FAM20C: variants seen among roughly 807,000 people sequenced by gnomAD.
The protein encoded by FAM20C is extracellular serine/threonine protein kinase FAM20C.
FAM20C carries 40 observed loss-of-function variants against 51.5 expected under a neutral mutation model. That is an observed-to-expected ratio of 0.78 (90% CI 0.60 to 1.01). FAM20C has a LOEUF of 1.01. FAM20C is among the 50% of genes least tolerant of loss of function. FAM20C has a pLI of 0.00. For synonymous variants in FAM20C, 406 were observed against 380.6 expected (o/e 1.07, Z -0.78); for missense variants, 861 against 844.7 (o/e 1.02, Z -0.24).
rs903941844 is a variant in FAM20C, at chr7:192,740, C to G, written c.-460C>G. ...AGAGCCCGGCCCGGAGGAGCCGCCC[C>G]TTCCCCGCCCGCCCGCCCGGCGCCT... is the stretch of plus-strand genomic sequence containing the variant. On this transcript the variant is annotated 5_prime_UTR_variant, in exon 1 of 10. Coordinates refer to ENST00000313766, the MANE Select transcript of FAM20C (RefSeq NM_020223.4). Among the ~76,000 whole-genome samples the G allele has an allele frequency of 5.4e-5, 8 of 148,960 alleles. No individual in the cohort carries two copies. Among genetic ancestry groups the G allele is most frequent in the African/African-American group, 1.9e-4 (8 of 41,166 alleles).
chr7:251,151 G>A (rs1268550904), intron 5 of FAM20C, among the ~76,000 whole-genome samples: 1 of 150,570 alleles, frequency 6.6e-6, no homozygotes, highest in Non-Finnish European at 1.5e-5. Context: ...CTTACTGAGT[G>A]GCCGGGCACG....
At chr7:236,057 G>T (rs1171604834) in intron 3 of FAM20C, among the ~76,000 whole-genome samples, 1 of 152,180 alleles carries the variant, frequency 6.6e-6, no homozygotes, top group African/African-American at 2.4e-5. Context: ...GGGCGCCCAG[G>T]AAGAAGGAGA....
rs1428045179 is a variant in FAM20C at position 193,465 on chromosome 7, G to A, written c.266G>A (p.Arg89His). ...DAGWPNKHTLRILQDFSSDPS... is the reference protein window; with the variant it reads ...DAGWPNKHTLHILQDFSSDPS... Reference sequence around the variant, plus strand: ...GGCTGGCCCAACAAGCACACGCTCCGCATCCTGCAGGACTTCAGCTCCGAC... The same window carrying A: ...GGCTGGCCCAACAAGCACACGCTCCACATCCTGCAGGACTTCAGCTCCGAC... The change falls in exon 1 of 10, where the codon CGC (arginine) becomes CAC (histidine). Residue 89 changes from arginine (R) to histidine (H), a missense_variant. Physicochemically the swap from Arg to His is conservative, Grantham distance 29 (BLOSUM62 0). Around this residue, in one of 3 missense-constraint regions of FAM20C, gnomAD observed 561 missense variants for 499.8 expected, o/e 1.12. Transcript: ENST00000313766. The A allele has an allele frequency of 1.4e-6, 2 of 1,479,838 alleles. No homozygotes were observed. The highest frequency in any genetic ancestry group is 1.8e-6 in the Non-Finnish European group (2 of 1,109,858). 91.7% of individuals were successfully genotyped at this position (1,479,838 alleles called of 1,614,324 possible). A position where few individuals can be genotyped will look rare whatever the true frequency, so the allele number is the denominator to read the frequency against.
chr7:203,638 A>G (rs1285552703), intron 2 of FAM20C, among the ~76,000 whole-genome samples: 1 of 152,254 alleles, frequency 6.6e-6, no homozygotes, highest in Non-Finnish European at 1.5e-5. Flanking sequence ...CCCACGGTCC[A>G]CAGGAAGCCG....
At position 192,724 on chromosome 7, in the gene FAM20C, C is replaced by T. The variant is rs1785616033; in HGVS notation, c.-476C>T. 1.3e-5 allele frequency among the ~76,000 whole-genome samples: 2 copies of T among 148,708 alleles called. No individual in the cohort carries two copies. Among genetic ancestry groups the T allele is most frequent in the South Asian group, 2.1e-4 (1 of 4,804 alleles). Reference sequence around the variant, plus strand: ...GGCGCGGCGTGAGAGCAGAGCCCGGCCCGGAGGAGCCGCCCCTTCCCCGCC... The same window carrying T: ...GGCGCGGCGTGAGAGCAGAGCCCGGTCCGGAGGAGCCGCCCCTTCCCCGCC... On this transcript the variant is annotated 5_prime_UTR_variant, in exon 1 of 10. Coordinates refer to ENST00000313766, the MANE Select transcript of FAM20C (RefSeq NM_020223.4).
At chr7:209,054 T>A (rs1303773227) in intron 3 of FAM20C, 78 bp downstream of exon 3, 1 of 1,402,556 alleles carries the variant, frequency 7.1e-7, no homozygotes, top group Non-Finnish European at 9.8e-7. Flanking sequence ...CTGCTGGGGA[T>A]GGCCGTGTCT....
At position 234,516 on chromosome 7, in the gene FAM20C, G is replaced by T. The variant is rs931621215; in HGVS notation, c.864-11899G>T. Among the ~76,000 whole-genome samples the T allele has an allele frequency of 4.4e-4, 67 of 152,268 alleles. No individual in the cohort carries two copies. In the East Asian group the frequency reaches 0.01, roughly 23 times the overall value. On this transcript the variant is annotated intron_variant, in intron 3 of 9. Coordinates refer to ENST00000313766, the MANE Select transcript of FAM20C (RefSeq NM_020223.4). ...CTCCTCTGAGCCCTGGTCTTCTGGGGCCGCAGGCTGTGGGTGTCTCTCGTG... is the reference window on the plus strand; with the variant it reads ...CTCCTCTGAGCCCTGGTCTTCTGGGTCCGCAGGCTGTGGGTGTCTCTCGTG...
Position 259,921 on chromosome 7 carries a change from C to T in FAM20C, c.1696C>T (p.Leu566Phe), listed in dbSNP as rs570803397. Residue 566 changes from leucine to phenylalanine, a missense_variant, in exon 10 of 10, where the codon CTC becomes TTC. Transcript: ENST00000313766. ...CCGGGACTGCGTGGAGAGGAACGGG[C>T]TCCACAGCGTGGTGGATGACGACCT... is the stretch of plus-strand genomic sequence containing the variant. ...AVRDCVERNG[L>F]HSVVDDDLDT... 3.3e-6 allele frequency: 5 copies of T among 1,534,298 alleles called. No homozygotes were observed. The South Asian group carries it at 4.8e-5, about 15-fold the overall frequency.
At position 259,891 on chromosome 7, in the gene FAM20C, G is replaced by A. The variant is rs1003516935; in HGVS notation, c.1666G>A (p.Ala556Thr). The A allele has an allele frequency of 7.8e-6, 12 of 1,535,848 alleles. No individual in the cohort carries two copies. In the African/African-American group the frequency reaches 1.5e-4, roughly 19 times the overall value. The change falls in exon 10 of 10, where the codon GCC becomes ACC. Residue 556 changes from alanine to threonine, a missense_variant. By Grantham distance (58) the Ala-to-Thr change is moderately conservative. This residue lies in a region of FAM20C where 269 missense variants were observed against 283.8 expected (regional missense o/e 0.95). Transcript: ENST00000313766. ...CCGGCGGCTCCGCGTCGTGCTAAAG[G>A]CCGTCCGGGACTGCGTGGAGAGGAA... ...LDRRLRVVLK[A>T]VRDCVERNGL... is the part of the protein sequence containing the mutation.
intron 3 of FAM20C, among the ~76,000 whole-genome samples, chr7:210,563 C>T (rs530678728): frequency 1.3e-5 from 2 of 152,182 alleles, no homozygotes; most frequent in Admixed American, 6.5e-5. Flanking sequence ...CTTCGAGCCG[C>T]GGGCACGGCT....
chr7:232,028 C>T (rs1487418637), intron 3 of FAM20C, among the ~76,000 whole-genome samples: 3 of 152,202 alleles, frequency 2.0e-5, no homozygotes, highest in East Asian at 1.9e-4. Context: ...TCGGCCTCGT[C>T]GGGCTGTCCC....
intron 5 of FAM20C, among the ~76,000 whole-genome samples, chr7:253,519 G>A (rs1788477031): frequency 7.0e-6 from 1 of 143,086 alleles, no homozygotes; most frequent in Non-Finnish European, 1.6e-5. Flanking sequence ...TACTAAAATG[G>A]AAAAGGACTC....
chr7:218,347 C>T (rs1227764372), intron 3 of FAM20C, among the ~76,000 whole-genome samples: 2 of 152,352 alleles, frequency 1.3e-5, no homozygotes, highest in African/African-American at 4.8e-5. Context: ...TGGAGGGTCC[C>T]TCCGTGTGTC....
At chr7:216,654 TGTGTGTGTGAGAGACAGA>T (rs1200965287) in intron 3 of FAM20C, among the ~76,000 whole-genome samples, 2 of 124,482 alleles carry the variant, frequency 1.6e-5, no homozygotes, top group Non-Finnish European at 3.5e-5. Flanking sequence ...TGTGTGTGAG[TGTGTGTGTGAGAGACAGA>T]GTGTGTGTGA....
chr7:244,964 G>A (rs1028857544), intron 3 of FAM20C, among the ~76,000 whole-genome samples: 6 of 152,194 alleles, frequency 3.9e-5, no homozygotes, highest in African/African-American at 1.4e-4. Context: ...GTGGGAGGAC[G>A]GGAGCCACGG....
At chr7:213,300 T>C (rs1199158514) in intron 3 of FAM20C, among the ~76,000 whole-genome samples, 1 of 151,896 alleles carries the variant, frequency 6.6e-6, no homozygotes, top group Non-Finnish European at 1.5e-5. Context: ...AATCCTGCAG[T>C]GTGTGGTCCT....
chr7:219,442 C>CGGGACAGCAACGCCCAGCCA (rs1562378275), intron 3 of FAM20C, among the ~76,000 whole-genome samples: 18 of 143,984 alleles, frequency 1.3e-4, no homozygotes, highest in Admixed American at 8.8e-4. Flanking sequence ...ATGGCCAGCC[C>CGGGACAGCAACGCCCAGCCA]GGGACAGCAA....
intron 3 of FAM20C, among the ~76,000 whole-genome samples, chr7:230,382 G>GGGGT (rs1554253387): frequency 1.7e-5 from 1 of 59,268 alleles, no homozygotes; most frequent in Non-Finnish European, 4.2e-5. Flanking sequence ...TGGGGGGGGG[G>GGGGT]GGGAACAGAT....
intron 3 of FAM20C, among the ~76,000 whole-genome samples, chr7:240,405 GA>G (rs1787904112): frequency 5.9e-5 from 2 of 34,088 alleles, no homozygotes; most frequent in Admixed American, 5.3e-4. Flanking sequence ...TAGTGATAAT[GA>G]TGATGATGAT....
Sources: gnomAD v4.1 joint callset for allele counts (sites outside exome capture counted in the v4.1 genomes callset) on GRCh38, gnomAD v4.1.1 for gene constraint, gnomAD v4.1.1 regional missense constraint, MANE v1.5 for transcripts, NCBI Gene and HGNC (gene_info 2026-07-23, HGNC 2026-07-21) for gene names.